DLGAP2: variants seen among roughly 807,000 people sequenced by gnomAD.
The protein encoded by DLGAP2 is disks large-associated protein 2.
Under a neutral mutation model 100.3 loss-of-function variants are expected in DLGAP2, and 26 were observed. The observed-to-expected ratio is 0.26, with a 90% confidence interval of 0.19 to 0.36. The LOEUF (loss-of-function observed/expected upper bound fraction) is 0.36. Ranked by LOEUF, DLGAP2 falls within the 10% of genes least tolerant of loss-of-function variation. DLGAP2 has a pLI of 1.00. For missense variants in DLGAP2, 1,858 were observed against 1,453.2 expected (o/e 1.28, Z -4.53); for synonymous variants, 886 against 630.1 (o/e 1.41, Z -6.08).
chr8:1,310,574 C>T (rs1336216340), intron 3 of DLGAP2, among the ~76,000 whole-genome samples: 1 of 152,212 alleles, frequency 6.6e-6, no homozygotes, highest in Non-Finnish European at 1.5e-5. Context: ...ACATTCTCCA[C>T]AGTAGGCCAC....
intron 3 of DLGAP2, among the ~76,000 whole-genome samples, chr8:1,365,200 C>G (rs1378892787): frequency 2.0e-5 from 3 of 152,192 alleles, no homozygotes; most frequent in Non-Finnish European, 4.4e-5. Context: ...GTGGTCACTT[C>G]TACCCGGTCC....
At chr8:1,480,228 T>A (rs1203428510) in intron 3 of DLGAP2, among the ~76,000 whole-genome samples, 1 of 152,046 alleles carries the variant, frequency 6.6e-6, no homozygotes, top group African/African-American at 2.4e-5. Flanking sequence ...TAGATGTAGG[T>A]TTTCAGTCTC....
chr8:781,659 G>A (rs924015909), intron 1 of DLGAP2, among the ~76,000 whole-genome samples: 3 of 152,088 alleles, frequency 2.0e-5, no homozygotes, highest in Admixed American at 6.6e-5. Flanking sequence ...GTTGTGACAC[G>A]GTGATTTGGC....
At chr8:742,480 G>A (rs1011548164) in intron 1 of DLGAP2, among the ~76,000 whole-genome samples, 5 of 152,138 alleles carry the variant, frequency 3.3e-5, no homozygotes, top group African/African-American at 1.2e-4. Context: ...TGTGTGTAAC[G>A]AATGTTTGTC....
At chr8:784,002 C>G (rs1821771460) in intron 1 of DLGAP2, among the ~76,000 whole-genome samples, 1 of 152,186 alleles carries the variant, frequency 6.6e-6, no homozygotes, top group South Asian at 2.1e-4. Flanking sequence ...TGAGGGCCAT[C>G]GCCAGAATAA....
At chr8:1,536,119 G>A (rs1359428318) in intron 4 of DLGAP2, among the ~76,000 whole-genome samples, 1 of 152,228 alleles carries the variant, frequency 6.6e-6, no homozygotes, top group Admixed American at 6.5e-5. Flanking sequence ...ACCTAGGGCA[G>A]GTGGGGGCAC....
In DLGAP2 at chr8:1,367,153, C is replaced by G. The variant is rs1029552189; in HGVS notation, c.106+108270C>G. 3.9e-5 allele frequency among the ~76,000 whole-genome samples: 6 copies of G among 152,328 alleles called. No individual in the cohort carries two copies. The East Asian group carries it at 1.2e-3, about 29-fold the overall frequency. On this transcript the variant is annotated intron_variant, in intron 3 of 14. Coordinates refer to ENST00000637795, the MANE Select transcript of DLGAP2 (RefSeq NM_001346810.2). The stretch of plus-strand genomic sequence containing the variant: ...ACTATATGACTTATGAACTGCAGAT[C>G]ATATTTTGAGAAACAGTTTATCTTA...
intron 2 of DLGAP2, chr8:1,033,056 TGCTTTTGTA>T (rs1802018369): frequency 1.3e-5 from 2 of 152,260 alleles, no homozygotes. Context: ...GCAGTTCTAA[TGCTTTTGTA>T]GCAAGTGCAG....
intron 2 of DLGAP2, among the ~76,000 whole-genome samples, chr8:980,921 A>T (rs775528520): frequency 6.6e-6 from 1 of 152,178 alleles, no homozygotes; most frequent in Non-Finnish European, 1.5e-5. Flanking sequence ...TAGTGGCAAA[A>T]TGTACATAAC....
intron 2 of DLGAP2, among the ~76,000 whole-genome samples, chr8:986,866 G>T (rs949544592): frequency 6.6e-6 from 1 of 152,008 alleles, no homozygotes; most frequent in Non-Finnish European, 1.5e-5. Context: ...TGCCATGTTG[G>T]CCAGGCTGGT....
intron 1 of DLGAP2, among the ~76,000 whole-genome samples, chr8:864,324 A>C (rs1320576826): frequency 6.6e-6 from 1 of 152,134 alleles, no homozygotes; most frequent in East Asian, 1.9e-4. Flanking sequence ...AAAATAGAAG[A>C]AAAGATTTGG....
chr8:1,241,075 T>A lies in DLGAP2; in HGVS notation c.74-17776T>A, dbSNP rs563654172. Among the ~76,000 whole-genome samples, 3 of 28,488 alleles carry A rather than the reference T, an allele frequency of 1.1e-4. 1 individual carries two copies. The highest frequency in any genetic ancestry group is 7.4e-4 in the African/African-American group (3 of 4,072). 18.7% of individuals were successfully genotyped at this position (28,488 alleles called of 152,430 possible). On this transcript the variant is annotated intron_variant, in intron 2 of 14. Transcript: ENST00000637795. ...CATCGTGTCTGGTTCTCTCACATGG[T>A]GACGTGTCTAGTTCTCTCACATGGC...
intron 1 of DLGAP2, among the ~76,000 whole-genome samples, chr8:887,338 G>A (rs1394396561): frequency 2.0e-5 from 3 of 152,154 alleles, no homozygotes; most frequent in Non-Finnish European, 4.4e-5. Context: ...TTGCCAGTCT[G>A]TGTCTGTTAA....
intron 2 of DLGAP2, among the ~76,000 whole-genome samples, chr8:1,079,615 C>T (rs185997565): frequency 3.7e-4 from 56 of 152,262 alleles, no homozygotes; most frequent in African/African-American, 1.3e-3. Context: ...ATCTTAGGAA[C>T]ATTTATGGAC....
chr8:1,635,150 C>G (rs73543253), intron 8 of DLGAP2, among the ~76,000 whole-genome samples: 9,408 of 152,130 alleles, frequency 0.062, 943 homozygotes, highest in African/African-American at 0.21. Context: ...CCATTTTACT[C>G]TAAGTATTGT....
chr8:1,134,139 G>A (rs577233994), intron 2 of DLGAP2, among the ~76,000 whole-genome samples: 2 of 152,248 alleles, frequency 1.3e-5, no homozygotes, highest in South Asian at 4.1e-4. Flanking sequence ...ATGGCCTCCA[G>A]TTCCATCTGT....
chr8:768,858 T>C (rs569303475), intron 1 of DLGAP2, among the ~76,000 whole-genome samples: 80 of 152,162 alleles, frequency 5.3e-4, no homozygotes, highest in Non-Finnish European at 1.1e-3. Flanking sequence ...GCTACTTACA[T>C]CATTTCATGT....
intron 2 of DLGAP2, among the ~76,000 whole-genome samples, chr8:949,694 G>T (rs1490371195): frequency 6.6e-6 from 1 of 152,094 alleles, no homozygotes; most frequent in African/African-American, 2.4e-5. Context: ...CCCTTGCAGT[G>T]TCCCCGGTTG....
intron 2 of DLGAP2, among the ~76,000 whole-genome samples, chr8:915,846 G>A (rs1288892079): frequency 1.4e-5 from 2 of 147,088 alleles, no homozygotes; most frequent in Non-Finnish European, 3.0e-5. Context: ...TTTTGTGTCC[G>A]TCCATCAGTT....
Sources: gnomAD v4.1 joint callset for allele counts (sites outside exome capture counted in the v4.1 genomes callset) on GRCh38, gnomAD v4.1.1 for gene constraint, MANE v1.5 for transcripts, NCBI Gene and HGNC (gene_info 2026-07-23, HGNC 2026-07-21) for gene names.